SYT16: variants seen among roughly 807,000 people sequenced by gnomAD.
SYT16 encodes synaptotagmin-16.
A neutral mutation model predicts 61.4 loss-of-function variants in SYT16; 42 were observed. The observed-to-expected ratio is 0.68, with a 90% CI of 0.53 to 0.89. SYT16 has a LOEUF of 0.89. Among genes scored for constraint, SYT16 ranks in the 40% least tolerant of loss-of-function variants. SYT16 has a pLI of 0.00. For synonymous variants in SYT16, 314 were observed against 302.3 expected (o/e 1.04, Z -0.40); for missense variants, 804 against 807.3 (o/e 1.00, Z 0.05).
chr14:62,040,771 G>A (rs1456884070), intron 3 of SYT16, among the ~76,000 whole-genome samples: 1 of 152,032 alleles, frequency 6.6e-6, no homozygotes, highest in Non-Finnish European at 1.5e-5. Context: ...TATGGAACTG[G>A]AGAGCAGAAA....
chr14:62,030,583 T>G (rs12893377), intron 3 of SYT16, among the ~76,000 whole-genome samples: 34,274 of 152,190 alleles, frequency 0.23, 4,088 homozygotes, highest in Middle Eastern at 0.27. Context: ...TTCACACAAT[T>G]GCAGTTGAAC....
chr14:61,973,795 G>A (rs2051666177), intron 2 of SYT16, among the ~76,000 whole-genome samples: 1 of 152,096 alleles, frequency 6.6e-6, no homozygotes, highest in Non-Finnish European at 1.5e-5. Context: ...CTCCCAGGCA[G>A]GGAAGGGAAG....
At chr14:61,951,404 C>G (rs963204327) in intron 1 of SYT16, among the ~76,000 whole-genome samples, 8 of 152,160 alleles carry the variant, frequency 5.3e-5, no homozygotes. Flanking sequence ...AATGGTTTGT[C>G]TTTTTAAGGG....
At chr14:61,902,391 G>A (rs542453622) in intron 1 of SYT16, among the ~76,000 whole-genome samples, 1 of 152,196 alleles carries the variant, frequency 6.6e-6, no homozygotes, top group Non-Finnish European at 1.5e-5. Context: ...AGCATTTCCT[G>A]TGGAAAGCCT....
At chr14:62,085,858 GT>G (rs1319878656) in intron 7 of SYT16, among the ~76,000 whole-genome samples, 2 of 152,168 alleles carry the variant, frequency 1.3e-5, no homozygotes, top group Non-Finnish European at 2.9e-5. Context: ...ATACCAATTT[GT>G]TTTCCAGAAT....
intron 1 of SYT16, among the ~76,000 whole-genome samples, chr14:61,828,598 C>T (rs961019564): frequency 5.9e-5 from 9 of 152,184 alleles, no homozygotes; most frequent in South Asian, 2.1e-4. Context: ...GCTACTTCCA[C>T]CCCAACAAAA....
At position 61,822,592 on chromosome 14, in the gene SYT16, T is replaced by G. The variant is rs2045650759; in HGVS notation, c.-325+9782T>G. Among the ~76,000 whole-genome samples the G allele has an allele frequency of 1.3e-5, 2 of 152,230 alleles. 1 individual carries two copies. Among genetic ancestry groups the G allele is most frequent in the South Asian group, 4.1e-4 (2 of 4,828 alleles). On this transcript the variant is annotated intron_variant, in intron 1 of 7. Transcript: ENST00000683842. ...CTCTTCTTTCCAACCTGAGAGCTGT[T>G]GCACTGTAGAAACAATGGCGCTGGA...
At chr14:61,836,463 G>A (rs2140244678) in intron 1 of SYT16, among the ~76,000 whole-genome samples, 1 of 152,270 alleles carries the variant, frequency 6.6e-6, no homozygotes, top group South Asian at 2.1e-4. Context: ...TTATATCTTG[G>A]TAACATAAAC....
rs1420934822 is a variant in SYT16 at position 61,825,051 on chromosome 14, A to G, written c.-325+12241A>G. Among the ~76,000 whole-genome samples the G allele has an allele frequency of 3.3e-5, 5 of 152,244 alleles. No homozygotes were observed. In the East Asian group the frequency reaches 9.6e-4, roughly 29 times the overall value. ...AAATTTCAAAGTAGAAAAGAGCCCTAAAACCAAAAAAATGGAAAACTGCTT... is the reference window on the plus strand; with the variant it reads ...AAATTTCAAAGTAGAAAAGAGCCCTGAAACCAAAAAAATGGAAAACTGCTT... On this transcript the variant is annotated intron_variant, in intron 1 of 7. Transcript: ENST00000683842.
intron 1 of SYT16, among the ~76,000 whole-genome samples, chr14:61,853,994 G>A (rs116266789): frequency 0.032 from 4,936 of 152,068 alleles, 152 homozygotes; most frequent in African/African-American, 0.081. Context: ...CATAATACAC[G>A]TAATCTATGA....
In SYT16 at chr14:61,984,731, T is replaced by A. The variant is rs563093637; in HGVS notation, c.-144-11145T>A. ...GCATTGTTGGCTTAAAATAGAAATA[T>A]AACTAGCATTTTGGTTTAACTGAAT... On this transcript the variant is annotated intron_variant, in intron 2 of 7. Coordinates refer to ENST00000683842, the MANE Select transcript of SYT16 (RefSeq NM_001367656.1). Among the ~76,000 whole-genome samples, 4 of 152,252 alleles carry A rather than the reference T, an allele frequency of 2.6e-5. No individual in the cohort carries two copies. In the East Asian group the frequency reaches 7.7e-4, roughly 29 times the overall value.
intron 2 of SYT16, among the ~76,000 whole-genome samples, chr14:61,988,005 C>G (rs556997021): frequency 2.0e-5 from 3 of 152,100 alleles, no homozygotes; most frequent in South Asian, 4.2e-4. Context: ...GGATGTAATT[C>G]CTATTGTGTC....
At chr14:61,945,023 A>G (rs1412493118) in intron 1 of SYT16, among the ~76,000 whole-genome samples, 4 of 152,224 alleles carry the variant, frequency 2.6e-5, no homozygotes, top group Admixed American at 6.5e-5. Flanking sequence ...TGTACAAGGA[A>G]CTTAAACAAA....
Position 61,875,935 on chromosome 14 carries a change from A to C in SYT16, c.-325+63125A>C, listed in dbSNP as rs118009588. 3.5e-3 allele frequency among the ~76,000 whole-genome samples: 533 copies of C among 152,322 alleles called. 5 individuals carry two copies. Among genetic ancestry groups the C allele is most frequent in the Non-Finnish European group, 6.6e-3 (448 of 68,022 alleles). ...GCAAGTCTTTGGTATTTTTGCAGTCATTGTGGAAGGTGACCACTGCCTTGT... is the reference window on the plus strand; with the variant it reads ...GCAAGTCTTTGGTATTTTTGCAGTCCTTGTGGAAGGTGACCACTGCCTTGT... On this transcript the variant is annotated intron_variant, in intron 1 of 7. Coordinates refer to ENST00000683842, the MANE Select transcript of SYT16 (RefSeq NM_001367656.1).
chr14:62,003,889 G>C (rs1225643017), intron 3 of SYT16, among the ~76,000 whole-genome samples: 5 of 152,138 alleles, frequency 3.3e-5, no homozygotes, highest in Admixed American at 3.3e-4. Context: ...TTCTTGTCAG[G>C]ATGAGTCAGA....
chr14:61,938,431 G>A (rs1307576769), intron 1 of SYT16, among the ~76,000 whole-genome samples: 1 of 152,036 alleles, frequency 6.6e-6, no homozygotes, highest in Non-Finnish European at 1.5e-5. Context: ...AGGGTTGGCT[G>A]GGTGGGAGGG....
At chr14:61,899,974 T>C (rs1382189899) in intron 1 of SYT16, among the ~76,000 whole-genome samples, 2 of 152,078 alleles carry the variant, frequency 1.3e-5, no homozygotes, top group East Asian at 3.8e-4. Flanking sequence ...AGGCAAGAAA[T>C]ATAGGTCTTA....
intron 1 of SYT16, among the ~76,000 whole-genome samples, chr14:61,852,514 TGGCCA>T (rs1436237170): frequency 6.6e-6 from 1 of 152,230 alleles, no homozygotes; most frequent in African/African-American, 2.4e-5. Context: ...TTGGGCAGTA[TGGCCA>T]TTTTCATGAT....
At chr14:62,034,824 C>T (rs573183884) in intron 3 of SYT16, among the ~76,000 whole-genome samples, 2 of 152,100 alleles carry the variant, frequency 1.3e-5, no homozygotes, top group Admixed American at 1.3e-4. Context: ...CAACATTGTA[C>T]TGTATACTTA....
Sources: gnomAD v4.1 joint callset for allele counts (sites outside exome capture counted in the v4.1 genomes callset) on GRCh38, gnomAD v4.1.1 for gene constraint, MANE v1.5 for transcripts, NCBI Gene and HGNC (gene_info 2026-07-23, HGNC 2026-07-21) for gene names.